The following TNRC6C variants were observed in gnomAD, a reference collection of about 807,000 sequenced individuals.
TNRC6C encodes trinucleotide repeat-containing gene 6C protein.
TNRC6C carries 20 observed loss-of-function variants against 153.7 expected under a neutral mutation model. The observed-to-expected ratio is 0.13, with a 90% CI of 0.09 to 0.19. The LOEUF is 0.19. TNRC6C is among the 10% of genes least tolerant of loss of function. The pLI is 1.00. For missense variants in TNRC6C, 1,987 were observed against 2,172.0 expected, an observed-to-expected ratio of 0.91 and a Z score of 1.69; for synonymous variants, 811 against 841.4, an observed-to-expected ratio of 0.96 and a Z score of 0.63.
Position 78,079,488 on chromosome 17 carries a change from A to C in TNRC6C, c.3304A>C (p.Asn1102His). The change falls in exon 10 of 20, where the codon AAC (asparagine) becomes CAC (histidine). Residue 1102 changes from asparagine (N) to histidine (H), a missense_variant. Physicochemically the swap from Asn to His is moderately conservative, Grantham distance 68. This residue lies in a region of TNRC6C where 765 missense variants were observed against 908.6 expected (regional missense o/e 0.84). Coordinates refer to ENST00000301624, the Ensembl canonical transcript of TNRC6C. The surrounding 1 kb of genome is among the most constrained non-coding windows in gnomAD (Gnocchi z 4.3). ...GCCACAGCCACCAGTGCAGCCTCTT[A>C]ACTCTTCCCAGCCCAGTCTCCGTGC... is the stretch of plus-strand genomic sequence containing the variant. The C allele has an allele frequency of 6.2e-7, 1 of 1,613,788 alleles. No individual in the cohort carries two copies. Among genetic ancestry groups the C allele is most frequent in the Non-Finnish European group, 8.5e-7 (1 of 1,179,840 alleles).
At chr17:78,043,484 G>C (rs935683134) in intron 2 of TNRC6C, among the ~76,000 whole-genome samples, 1 of 152,134 alleles carries the variant, frequency 6.6e-6, no homozygotes, top group African/African-American at 2.4e-5. Flanking sequence ...GGTTACATGA[G>C]ATATTTTGAT....
intron 7 of TNRC6C, among the ~76,000 whole-genome samples, chr17:78,073,984 C>T (rs894474100): frequency 6.6e-6 from 1 of 152,182 alleles, no homozygotes; most frequent in Non-Finnish European, 1.5e-5. Flanking sequence ...GCCGCACATA[C>T]AGGTCAGTGA....
chr17:77,958,722 C>T (rs1245257065), upstream of TNRC6C, among the ~76,000 whole-genome samples: 1 of 151,500 alleles, frequency 6.6e-6, no homozygotes, highest in African/African-American at 2.4e-5. Context: ...AACAAGATGG[C>T]CGCGGTGGCA....
chr17:78,037,345 A>C (rs1420194660), intron 2 of TNRC6C, among the ~76,000 whole-genome samples: 1 of 152,192 alleles, frequency 6.6e-6, no homozygotes. Context: ...ACCAAACATC[A>C]CATACCCTGC....
intron 1 of TNRC6C, among the ~76,000 whole-genome samples, chr17:78,010,793 T>G (rs1288027626): frequency 1.3e-5 from 2 of 152,038 alleles, no homozygotes; most frequent in African/African-American, 2.4e-5. Context: ...CATTAATTTT[T>G]TTCCATGGAA....
intron 13 of TNRC6C, 173 bp from the exon 16 acceptor site, chr17:78,091,267 A>G (rs1034285561): frequency 3.1e-6 from 2 of 635,706 alleles, no homozygotes; most frequent in Non-Finnish European, 4.6e-6. Context: ...CGGAGGTTGC[A>G]ATGAGCCAAG....
intron 1 of TNRC6C, among the ~76,000 whole-genome samples, chr17:77,969,201 A>G (rs888024805): frequency 3.9e-5 from 6 of 152,090 alleles, no homozygotes; most frequent in Admixed American, 6.5e-5. Flanking sequence ...TCACCGCTCT[A>G]TTGCACTACC....
rs1446807504 is a variant in TNRC6C at position 78,079,599 on chromosome 17, G to A, written c.3357+58G>A. The A allele has an allele frequency of 8.2e-6, 13 of 1,590,842 alleles. No individual in the cohort carries two copies. The highest frequency in any genetic ancestry group is 1.0e-5 in the Non-Finnish European group (12 of 1,163,014). Reference sequence around the variant, plus strand: ...AGGATATAGATGCCAGTGTTTCGTGGGGTCCTGTGTTATCTGGAAGTCACT... The same window carrying A: ...AGGATATAGATGCCAGTGTTTCGTGAGGTCCTGTGTTATCTGGAAGTCACT... On this transcript the variant is annotated intron_variant, in intron 10 of 19. Transcript: ENST00000301624. The surrounding 1 kb of genome is among the most constrained non-coding windows in gnomAD (Gnocchi z 4.3).
intron 3 of TNRC6C, among the ~76,000 whole-genome samples, chr17:78,051,692 G>A (rs2072540061): frequency 1.3e-5 from 2 of 152,136 alleles, no homozygotes; most frequent in African/African-American, 2.4e-5. Context: ...AACATCAAGC[G>A]AATGTTTTGG....
At chr17:77,982,513 CAAAAA>C (rs1299646937) in intron 1 of TNRC6C, among the ~76,000 whole-genome samples, 1 of 151,828 alleles carries the variant, frequency 6.6e-6, no homozygotes, top group African/African-American at 2.4e-5. Flanking sequence ...CAAAAAAAGA[CAAAAA>C]AGAAAAAAGG....
intron 3 of TNRC6C, among the ~76,000 whole-genome samples, chr17:78,051,798 A>C (rs534630848): frequency 6.6e-6 from 1 of 152,320 alleles, no homozygotes; most frequent in East Asian, 1.9e-4. Context: ...ACAGGAGCAA[A>C]GAAGATAGGA....
At chr17:78,097,660 T>G in intron 16 of TNRC6C, 85 bp from the exon 19 acceptor site, 2 of 933,126 alleles carry the variant, frequency 2.1e-6, no homozygotes, top group South Asian at 3.6e-5. Context: ...AGAGGTTGAT[T>G]CCTGATGGTT....
intron 1 of TNRC6C, among the ~76,000 whole-genome samples, chr17:77,996,136 T>A (rs1286478700): frequency 1.3e-5 from 2 of 152,190 alleles, no homozygotes; most frequent in Non-Finnish European, 2.9e-5. Flanking sequence ...ACTAAAGTAA[T>A]TTTTATAGTG....
rs2072463677 is a variant in TNRC6C, at chr17:78,049,008, A to G, written c.-55A>G. The G allele has an allele frequency of 2.8e-6, 4 of 1,429,970 alleles. No individual in the cohort carries two copies. The South Asian group carries it at 6.8e-5, about 24-fold the overall frequency. 88.6% of individuals were successfully genotyped at this position (1,429,970 alleles called of 1,614,324 possible). A position where few individuals can be genotyped will look rare whatever the true frequency, so the allele number is the denominator to read the frequency against. On this transcript the variant is annotated 5_prime_UTR_variant, in exon 3 of 20. Transcript: ENST00000301624. This position sits in a 1 kb window ranked among gnomAD's most constrained non-coding sequence, Gnocchi z 4.1. ...CAGGAACAGAGACTGAATCTGCCTC[A>G]GAATGTACTACAGACACTGACTCTG...
chr17:77,973,205 C>T (rs915044256), intron 1 of TNRC6C, among the ~76,000 whole-genome samples: 2 of 152,168 alleles, frequency 1.3e-5, no homozygotes, highest in African/African-American at 4.8e-5. Flanking sequence ...TACGCCTGGG[C>T]AATACACCAT....
intron 13 of TNRC6C, among the ~76,000 whole-genome samples, chr17:78,088,513 T>C (rs1023146134): frequency 5.3e-5 from 8 of 152,098 alleles, no homozygotes; most frequent in African/African-American, 1.9e-4. Context: ...TGAGACACCA[T>C]ACTGAGCCAT....
intron 1 of TNRC6C, among the ~76,000 whole-genome samples, chr17:77,987,005 A>G (rs2071179284): frequency 6.6e-6 from 1 of 152,238 alleles, no homozygotes; most frequent in African/African-American, 2.4e-5. Context: ...TACAAGTAAA[A>G]TCTCATGAAA....
At chr17:78,038,043 A>G (rs1424427241) in intron 2 of TNRC6C, among the ~76,000 whole-genome samples, 1 of 152,214 alleles carries the variant, frequency 6.6e-6, no homozygotes, top group East Asian at 1.9e-4. Flanking sequence ...GTTCAGATCA[A>G]TATCGAGTGC....
At chr17:77,979,564 AAAAG>A (rs2071045215) in intron 1 of TNRC6C, among the ~76,000 whole-genome samples, 1 of 152,186 alleles carries the variant, frequency 6.6e-6, no homozygotes, top group Non-Finnish European at 1.5e-5. Flanking sequence ...AATGAAAAGA[AAAAG>A]AAAAATATGT....
Sources: allele counts gnomAD v4.1 joint callset (sites outside exome capture counted in the v4.1 genomes callset), GRCh38; gene constraint gnomAD v4.1.1; regional missense constraint gnomAD v4.1.1; non-coding constraint Gnocchi (gnomAD v3.1); transcripts MANE v1.5; gene names NCBI Gene and HGNC (gene_info 2026-07-23, HGNC 2026-07-21).